BTD: variants seen among roughly 807,000 people sequenced by gnomAD.
The protein encoded by BTD is biocytinase.
In BTD, 13 loss-of-function variants were observed where a neutral mutation model predicts 17.7. That is an observed-to-expected ratio of 0.74 (90% confidence interval 0.48 to 1.17). The LOEUF is 1.17. Among genes scored for constraint, BTD ranks in the 50% most tolerant of loss-of-function variants. BTD has a pLI of 0.00. For synonymous variants in BTD, 240 were observed against 245.2 expected, an observed-to-expected ratio of 0.98 and a Z score of 0.20; for missense variants, 674 against 650.4, an observed-to-expected ratio of 1.04 and a Z score of -0.39.
intron 1 of BTD, among the ~76,000 whole-genome samples, chr3:15,611,527 G>A (rs2064629339): frequency 6.6e-6 from 1 of 152,130 alleles, no homozygotes; most frequent in Non-Finnish European, 1.5e-5. Context: ...AATTCTTCTA[G>A]AAACTATTTG....
Position 15,661,284 on chromosome 3 carries a change from A to G in BTD, c.399+19227A>G, listed in dbSNP as rs868766540. Among the ~76,000 whole-genome samples the G allele has an allele frequency of 8.5e-5, 10 of 118,212 alleles. No individual in the cohort carries two copies. In the South Asian group the frequency reaches 1.6e-3, roughly 18 times the overall value. 77.6% of individuals were successfully genotyped at this position (118,212 alleles called of 152,430 possible). ...CTGTCTCAAAAAAAAAAAAAAAAAA[A>G]AAAAAAAAAGAAAAAGAAAAAGAGC... On this transcript the variant is annotated intron_variant, in intron 3 of 3. Transcript: ENST00000672141.
chr3:15,703,113 AC>A (rs2070849922), intron 3 of BTD, among the ~76,000 whole-genome samples: 1 of 152,212 alleles, frequency 6.6e-6, no homozygotes, highest in Non-Finnish European at 1.5e-5. Context: ...AATGTAAGTC[AC>A]ATACAAAAGG....
intron 1 of BTD, among the ~76,000 whole-genome samples, chr3:15,626,481 T>G (rs1268191506): frequency 6.6e-6 from 1 of 152,162 alleles, no homozygotes; most frequent in Non-Finnish European, 1.5e-5. Flanking sequence ...CAGACACTCA[T>G]GCCAGGTAAA....
intron 3 of BTD, chr3:15,669,022 C>G (rs1041026914): frequency 2.0e-5 from 3 of 152,510 alleles, no homozygotes; most frequent in Non-Finnish European, 4.4e-5. Context: ...TTCTCTCTCT[C>G]TTTTGCTATT....
At chr3:15,606,727 GT>G (rs1390958760) in intron 1 of BTD, 6 of 152,188 alleles carry the variant, frequency 3.9e-5, no homozygotes, top group Non-Finnish European at 5.9e-5. Context: ...GTGTTCAATT[GT>G]TAACTTGGGC....
rs2065710037 is a variant in BTD, at chr3:15,647,043, G to A, written c.*1555G>A. ...GCCCCTGCTGACTCACTGATCCCTC[G>A]GAAAGGTCTGGGATGAGTCAAGTCT... is the stretch of plus-strand genomic sequence containing the variant. On this transcript the variant is annotated 3_prime_UTR_variant, in exon 4 of 4. Transcript: ENST00000643237. The A allele has an allele frequency of 1.3e-5, 2 of 152,360 alleles. No individual in the cohort carries two copies. Among genetic ancestry groups the A allele is most frequent in the South Asian group, 2.1e-4 (1 of 4,824 alleles). The allele number at this position is 152,360 out of a possible 1,614,324, so 9.4% of individuals were successfully genotyped here. A position where few individuals can be genotyped will look rare whatever the true frequency, so the allele number is the denominator to read the frequency against.
chr3:15,639,584 G>A (rs955902655), intron 2 of BTD, among the ~76,000 whole-genome samples: 1 of 152,104 alleles, frequency 6.6e-6, no homozygotes, highest in African/African-American at 2.4e-5. Context: ...AAAGTCAAAC[G>A]GTGGTACATT....
intron 3 of BTD, among the ~76,000 whole-genome samples, chr3:15,671,392 T>A (rs2066332935): frequency 6.6e-6 from 1 of 152,150 alleles, no homozygotes; most frequent in African/African-American, 2.4e-5. Context: ...TTAATAGTTT[T>A]ATCACATAAC....
chr3:15,641,790 T>A (rs1559596696), intron 2 of BTD, 118 bp from the exon 3 acceptor site: 1 of 778,924 alleles, frequency 1.3e-6, no homozygotes, highest in Non-Finnish European at 2.2e-6. Flanking sequence ...GTGCCTCTGG[T>A]TCCTGCTACA....
chr3:15,698,088 T>G (rs1478698232), intron 3 of BTD, among the ~76,000 whole-genome samples: 4 of 152,134 alleles, frequency 2.6e-5, no homozygotes, highest in Admixed American at 2.6e-4. Flanking sequence ...ATTCCCTTTA[T>G]GTGTCTATTT....
intron 3 of BTD, among the ~76,000 whole-genome samples, chr3:15,696,583 C>G (rs147576983): frequency 6.6e-6 from 1 of 151,876 alleles, no homozygotes; most frequent in African/African-American, 2.4e-5. Flanking sequence ...TTAAACTTTT[C>G]GTGGTGGTGA....
chr3:15,641,165 C>G (rs2065492322), intron 2 of BTD, among the ~76,000 whole-genome samples: 1 of 152,192 alleles, frequency 6.6e-6, no homozygotes. Flanking sequence ...AGCCAGGGAA[C>G]ACAGGATGTT....
chr3:15,650,324 A>C lies in BTD; in HGVS notation c.*4836A>C, dbSNP rs1328336638. The stretch of plus-strand genomic sequence containing the variant: ...ATCTGAATAACAGCTGCACCGTTAA[A>C]AATGAAATTACCAATATATGAACTC... On this transcript the variant is annotated 3_prime_UTR_variant, in exon 4 of 4. Coordinates refer to ENST00000643237, the MANE Select transcript of BTD (RefSeq NM_001370658.1). 6.6e-6 allele frequency among the ~76,000 whole-genome samples: 1 copy of C among 152,260 alleles called. No individual in the cohort carries two copies. Among genetic ancestry groups the C allele is most frequent in the African/African-American group, 2.4e-5 (1 of 41,470 alleles).
intron 3 of BTD, among the ~76,000 whole-genome samples, chr3:15,663,294 T>C (rs1467615049): frequency 2.0e-5 from 3 of 152,226 alleles, no homozygotes; most frequent in African/African-American, 7.2e-5. Context: ...GCGCCTGGCC[T>C]ACAGTCTTCT....
At chr3:15,665,938 T>C (rs2455807) in intron 3 of BTD, among the ~76,000 whole-genome samples, 108,914 of 152,134 alleles carry the variant, frequency 0.72, 39,191 homozygotes, top group East Asian at 0.94. Flanking sequence ...TTGAAGCAGT[T>C]ACCCACACAA....
rs1349859725 is a variant in BTD, at chr3:15,650,970, A to G, written c.*5482A>G. Among the ~76,000 whole-genome samples, 1 of 152,116 alleles carries G rather than the reference A, an allele frequency of 6.6e-6. No individual in the cohort carries two copies. Among genetic ancestry groups the G allele is most frequent in the Non-Finnish European group, 1.5e-5 (1 of 68,018 alleles). On this transcript the variant is annotated 3_prime_UTR_variant, in exon 4 of 4. Transcript: ENST00000643237. ...ATTTTTATAGAGACAGGGTTTCACC[A>G]TGTTAGCCAGGATGGCCTCGATCTC... is the stretch of plus-strand genomic sequence containing the variant.
At position 15,647,551 on chromosome 3, in the gene BTD, CA is replaced by C. The variant is rs1376428743; in HGVS notation, c.*2066del. 5 of 152,062 alleles carry C rather than the reference CA, an allele frequency of 3.3e-5. No individual in the cohort carries two copies. The highest frequency in any genetic ancestry group is 3.3e-4 in the Admixed American group (5 of 15,276). 9.4% of individuals were successfully genotyped at this position (152,062 alleles called of 1,614,324 possible). A position where few individuals can be genotyped will look rare whatever the true frequency, so the allele number is the denominator to read the frequency against. On this transcript the variant is annotated 3_prime_UTR_variant, in exon 4 of 4. Coordinates refer to ENST00000643237, the MANE Select transcript of BTD (RefSeq NM_001370658.1). ...GGAAAAGCAACTAATGGTGGTAGAACAAAGTAATTTTTACAATTAAAAGAAG... is the reference window on the plus strand; with the variant it reads ...GGAAAAGCAACTAATGGTGGTAGAACAAGTAATTTTTACAATTAAAAGAAG...
chr3:15,720,418 A>C (rs2073588157), intron 4 of BTD, among the ~76,000 whole-genome samples: 2 of 152,206 alleles, frequency 1.3e-5, no homozygotes, highest in Non-Finnish European at 2.9e-5. Flanking sequence ...GATGCTTTTT[A>C]AAATTAGATA....
chr3:15,629,388 A>G (rs1022276555), intron 1 of BTD, among the ~76,000 whole-genome samples: 5 of 152,196 alleles, frequency 3.3e-5, no homozygotes, highest in African/African-American at 1.2e-4. Context: ...TGTGTGTTCA[A>G]GCCTTCAGGT....
Sources: gnomAD v4.1 joint callset for allele counts (sites outside exome capture counted in the v4.1 genomes callset) on GRCh38, gnomAD v4.1.1 for gene constraint, MANE v1.5 for transcripts, NCBI Gene and HGNC (gene_info 2026-07-23, HGNC 2026-07-21) for gene names.